ROBO2: variants seen among roughly 807,000 people sequenced by gnomAD.
ROBO2 encodes the protein roundabout guidance receptor 2.
Under a neutral mutation model 160.8 loss-of-function variants are expected in ROBO2, and 53 were observed. The observed-to-expected ratio is 0.33, with a 90% CI of 0.26 to 0.41. The LOEUF is 0.41. Among genes scored for constraint, ROBO2 ranks in the 10% least tolerant of loss-of-function variants. ROBO2 has a pLI of 1.00. For missense variants in ROBO2, 1,577 were observed against 1,722.4 expected, an observed-to-expected ratio of 0.92 and a Z score of 1.49; for synonymous variants, 664 against 611.7, an observed-to-expected ratio of 1.09 and a Z score of -1.26.
intron 2 of ROBO2, among the ~76,000 whole-genome samples, chr3:76,934,721 G>A (rs2077576709): frequency 6.8e-6 from 1 of 146,498 alleles, no homozygotes; most frequent in Non-Finnish European, 1.5e-5. Context: ...CCAGCCTGGT[G>A]ACAGAGCGAG....
intron 2 of ROBO2, among the ~76,000 whole-genome samples, chr3:76,171,491 G>A (rs796118243): frequency 2.0e-5 from 3 of 151,942 alleles, no homozygotes; most frequent in African/African-American, 7.3e-5. Context: ...ACTTAAGGGC[G>A]GGCCAAACCA....
intron 2 of ROBO2, among the ~76,000 whole-genome samples, chr3:77,206,153 C>T (rs2083422739): frequency 6.6e-6 from 1 of 152,002 alleles, no homozygotes; most frequent in Admixed American, 6.6e-5. Flanking sequence ...ATCTCTCTCT[C>T]TCTCTCTGTT....
At chr3:76,546,761 G>A (rs2083127473) in intron 2 of ROBO2, among the ~76,000 whole-genome samples, 1 of 151,438 alleles carries the variant, frequency 6.6e-6, no homozygotes, top group South Asian at 2.1e-4. Flanking sequence ...ATTATTTTTT[G>A]TTTCTACTAC....
chr3:77,065,893 T>C (rs879800725), intron 1 of ROBO2, among the ~76,000 whole-genome samples: 1 of 152,148 alleles, frequency 6.6e-6, no homozygotes, highest in Non-Finnish European at 1.5e-5. Context: ...TAGTGTAAAA[T>C]AGTCCATATC....
At chr3:76,530,743 T>G (rs2082180367) in intron 2 of ROBO2, among the ~76,000 whole-genome samples, 1 of 152,126 alleles carries the variant, frequency 6.6e-6, no homozygotes, top group Non-Finnish European at 1.5e-5. Context: ...AGGTTGAGAG[T>G]TTGGGAAAAT....
At chr3:77,249,090 G>T (rs1188749743) in intron 2 of ROBO2, among the ~76,000 whole-genome samples, 1 of 152,056 alleles carries the variant, frequency 6.6e-6, no homozygotes. Flanking sequence ...GACCTCAGGT[G>T]ATCCACCAGC....
chr3:77,025,994 C>T (rs2062941237), intron 2 of ROBO2, among the ~76,000 whole-genome samples: 1 of 152,172 alleles, frequency 6.6e-6, no homozygotes, highest in South Asian at 2.1e-4. Context: ...CCACCACCAT[C>T]ATTGACAGCC....
intron 2 of ROBO2, among the ~76,000 whole-genome samples, chr3:76,762,291 TTAAAAA>T (rs1348691012): frequency 6.6e-6 from 1 of 151,730 alleles, no homozygotes; most frequent in African/African-American, 2.4e-5. Context: ...ATTATACGAC[TTAAAAA>T]TAAAGATTTT....
chr3:76,871,161 A>G (rs971837274), intron 2 of ROBO2, among the ~76,000 whole-genome samples: 3 of 152,198 alleles, frequency 2.0e-5, no homozygotes, highest in Non-Finnish European at 4.4e-5. Context: ...TTTCGTCATC[A>G]CTCACTATTT....
At chr3:77,628,417 A>T (rs2095080174) in intron 23 of ROBO2, among the ~76,000 whole-genome samples, 1 of 134,454 alleles carries the variant, frequency 7.4e-6, no homozygotes, top group African/African-American at 2.8e-5. Context: ...TCATTCATTC[A>T]TTATCTTTTC....
At chr3:77,358,990 T>C (rs1160307924) in intron 2 of ROBO2, among the ~76,000 whole-genome samples, 1 of 152,238 alleles carries the variant, frequency 6.6e-6, no homozygotes. Context: ...TGGTTTTGCT[T>C]TATTTTCTTC....
chr3:76,368,146 T>C (rs2075923469), intron 2 of ROBO2, among the ~76,000 whole-genome samples: 1 of 151,948 alleles, frequency 6.6e-6, no homozygotes, highest in Admixed American at 6.6e-5. Flanking sequence ...AGGTAAGGTG[T>C]ATAATTACCA....
At chr3:76,331,247 A>G (rs2073459418) in intron 2 of ROBO2, among the ~76,000 whole-genome samples, 1 of 152,174 alleles carries the variant, frequency 6.6e-6, no homozygotes, top group Non-Finnish European at 1.5e-5. Flanking sequence ...ATATTTTTAT[A>G]GTATGGGGTG....
intron 2 of ROBO2, among the ~76,000 whole-genome samples, chr3:76,542,432 C>T (rs1331511133): frequency 6.6e-6 from 1 of 152,068 alleles, no homozygotes; most frequent in Non-Finnish European, 1.5e-5. Flanking sequence ...CTTCCCTTGC[C>T]TGGCAGATTG....
At chr3:77,213,074 G>C (rs2151115677) in intron 2 of ROBO2, among the ~76,000 whole-genome samples, 1 of 152,204 alleles carries the variant, frequency 6.6e-6, no homozygotes, top group South Asian at 2.1e-4. Flanking sequence ...TTGGTATCAG[G>C]ATAATGCTGG....
chr3:76,071,576 T>TA (rs924324707), intron 2 of ROBO2, among the ~76,000 whole-genome samples: 23 of 152,246 alleles, frequency 1.5e-4, no homozygotes, highest in African/African-American at 5.5e-4. Flanking sequence ...CTTGTTTTAG[T>TA]AGAGACTGAT....
chr3:77,539,399 A>C lies in ROBO2; in HGVS notation c.935-6939A>C, dbSNP rs1387843568. 4.6e-5 allele frequency among the ~76,000 whole-genome samples: 7 copies of C among 152,188 alleles called. No homozygotes were observed. In the South Asian group the frequency reaches 8.3e-4, roughly 18 times the overall value. ...AATCGGTTAGATTTGTATTCAGGTAACATACTTGAAACAACACATATCAGA... is the reference window on the plus strand; with the variant it reads ...AATCGGTTAGATTTGTATTCAGGTACCATACTTGAAACAACACATATCAGA... On this transcript the variant is annotated intron_variant, in intron 6 of 25. Transcript: ENST00000461745.
intron 2 of ROBO2, among the ~76,000 whole-genome samples, chr3:75,945,943 T>C (rs1948274008): frequency 1.3e-5 from 2 of 151,994 alleles, no homozygotes; most frequent in African/African-American, 4.8e-5. Flanking sequence ...GTGGATACCT[T>C]TTATCTCTAC....
intron 5 of ROBO2, among the ~76,000 whole-genome samples, chr3:77,510,355 G>C (rs916568137): frequency 6.6e-6 from 1 of 151,968 alleles, no homozygotes; most frequent in Non-Finnish European, 1.5e-5. Flanking sequence ...AAGATACAAA[G>C]GGTTGATAGA....
Sources: gnomAD v4.1 joint callset for allele counts (sites outside exome capture counted in the v4.1 genomes callset) on GRCh38, gnomAD v4.1.1 for gene constraint, MANE v1.5 for transcripts, NCBI Gene and HGNC (gene_info 2026-07-23, HGNC 2026-07-21) for gene names.